The following FAF1 variants were observed in gnomAD, a reference collection of about 807,000 sequenced individuals.
FAF1 encodes the protein Fas associated factor 1.
FAF1 carries 25 observed loss-of-function variants against 92.5 expected under a neutral mutation model. The ratio of observed to expected loss-of-function variants is 0.27; its 90% CI spans 0.20 to 0.38. The LOEUF is 0.38. Among genes scored for constraint, FAF1 ranks in the 10% least tolerant of loss-of-function variants. The probability of loss-of-function intolerance (pLI) is 1.00; values close to 1 mark genes in which losing one functional copy is unlikely to be tolerated. For missense variants in FAF1, 636 were observed against 793.3 expected, an observed-to-expected ratio of 0.80 and a Z score of 2.38; for synonymous variants, 234 against 273.2, an observed-to-expected ratio of 0.86 and a Z score of 1.42.
At chr1:50,483,206 A>AT (rs572362791) in intron 17 of FAF1, among the ~76,000 whole-genome samples, 59 of 151,896 alleles carry the variant, frequency 3.9e-4, no homozygotes, top group African/African-American at 1.4e-3. Context: ...TTTCTATGGG[A>AT]TTTTTTTTGG....
intron 13 of FAF1, among the ~76,000 whole-genome samples, chr1:50,557,875 T>C (rs1211782682): frequency 6.6e-6 from 1 of 152,044 alleles, no homozygotes; most frequent in African/African-American, 2.4e-5. Flanking sequence ...CGATGGCATA[T>C]ATATATTTAA....
Position 50,464,950 on chromosome 1 carries a change from G to T in FAF1, c.1869+10514C>A, listed in dbSNP as rs1022481549. On this transcript the variant is annotated intron_variant, in intron 18 of 18. Transcript: ENST00000396153. The stretch of plus-strand genomic sequence containing the variant: ...TACCAAATACTTAGTCTAGGCATTG[G>T]TAACCTTTACATCCAATCATCTCTC... 4.5e-4 allele frequency among the ~76,000 whole-genome samples: 69 copies of T among 152,306 alleles called. 1 individual carries two copies. The highest frequency in any genetic ancestry group is 1.6e-3 in the African/African-American group (68 of 41,570).
intron 8 of FAF1, 21 bp from the exon 9 acceptor site, chr1:50,596,237 C>A (rs1344471795): frequency 6.5e-7 from 1 of 1,540,976 alleles, no homozygotes; most frequent in South Asian, 1.1e-5. Flanking sequence ...TAGAATCCAT[C>A]ATTTGTAAAC....
intron 7 of FAF1, among the ~76,000 whole-genome samples, chr1:50,660,767 C>CCTGT (rs1655338175): frequency 6.6e-6 from 1 of 152,120 alleles, no homozygotes; most frequent in African/African-American, 2.4e-5. Context: ...GCTGGAATTA[C>CCTGT]AGGCGAGCTA....
chr1:50,869,564 G>C (rs1223771404), intron 1 of FAF1, among the ~76,000 whole-genome samples: 1 of 151,986 alleles, frequency 6.6e-6, no homozygotes, highest in East Asian at 1.9e-4. Context: ...AATCAATTCT[G>C]CTCTTTCAGA....
chr1:50,836,885 C>T (rs1014219125), intron 2 of FAF1, among the ~76,000 whole-genome samples: 7 of 149,070 alleles, frequency 4.7e-5, no homozygotes, highest in Non-Finnish European at 7.4e-5. Flanking sequence ...ATTGCAACTA[C>T]AAAATAGTAC....
intron 1 of FAF1, among the ~76,000 whole-genome samples, chr1:50,883,759 A>G (rs777986407): frequency 4.6e-5 from 7 of 152,160 alleles, no homozygotes; most frequent in Non-Finnish European, 1.0e-4. Flanking sequence ...TAACTAGGAA[A>G]TTTTCAGTGT....
chr1:50,490,733 G>A (rs1430848425), intron 16 of FAF1, 68 bp from the exon 17 acceptor site: 2 of 1,003,288 alleles, frequency 2.0e-6, no homozygotes, highest in East Asian at 2.4e-5. Context: ...AGAGAAATAA[G>A]GAAAGAGAAA....
chr1:50,656,048 AG>A (rs1277046805), intron 7 of FAF1, among the ~76,000 whole-genome samples: 1 of 152,124 alleles, frequency 6.6e-6, no homozygotes, highest in African/African-American at 2.4e-5. Flanking sequence ...AAAGTAGCAC[AG>A]GGCCGGGGAC....
chr1:50,534,784 C>T (rs1648382278), intron 15 of FAF1, among the ~76,000 whole-genome samples: 1 of 152,104 alleles, frequency 6.6e-6, no homozygotes, highest in African/African-American at 2.4e-5. Context: ...AAGTATTGAA[C>T]ACTATTGTCA....
At chr1:50,548,907 C>T (rs1160350664) in intron 13 of FAF1, among the ~76,000 whole-genome samples, 2 of 152,188 alleles carry the variant, frequency 1.3e-5, no homozygotes, top group Admixed American at 6.5e-5. Flanking sequence ...TCAGCTTTCT[C>T]ATCTATAAAA....
At chr1:50,804,252 T>C (rs1263061671) in intron 2 of FAF1, among the ~76,000 whole-genome samples, 2 of 152,090 alleles carry the variant, frequency 1.3e-5, no homozygotes, top group East Asian at 1.9e-4. Flanking sequence ...AATGGAGATG[T>C]CCAAAAAGTA....
chr1:50,959,201 T>G (rs1269537981), intron 1 of FAF1, among the ~76,000 whole-genome samples: 1 of 152,238 alleles, frequency 6.6e-6, no homozygotes, highest in Non-Finnish European at 1.5e-5. Flanking sequence ...TATAGTCTTA[T>G]CTGTCTCCTT....
chr1:50,622,294 T>C (rs1320185971), intron 8 of FAF1, among the ~76,000 whole-genome samples: 1 of 152,094 alleles, frequency 6.6e-6, no homozygotes, highest in Non-Finnish European at 1.5e-5. Context: ...ATTTCCTTAA[T>C]ACACCCCTTT....
intron 1 of FAF1, among the ~76,000 whole-genome samples, chr1:50,920,063 G>A (rs1644950723): frequency 1.3e-5 from 2 of 152,068 alleles, no homozygotes; most frequent in African/African-American, 4.8e-5. Flanking sequence ...ACTTTGGGAG[G>A]CTGAGTCAGG....
chr1:50,696,687 T>C (rs1163841938), intron 7 of FAF1, among the ~76,000 whole-genome samples: 2 of 152,202 alleles, frequency 1.3e-5, no homozygotes, highest in African/African-American at 4.8e-5. Flanking sequence ...GAACTCTAAG[T>C]ACAAACAGAA....
chr1:50,495,146 T>A (rs1277905882), intron 15 of FAF1, among the ~76,000 whole-genome samples: 2 of 152,140 alleles, frequency 1.3e-5, no homozygotes, highest in African/African-American at 4.8e-5. Flanking sequence ...GTGTTATTTT[T>A]AAATGTACAA....
intron 8 of FAF1, among the ~76,000 whole-genome samples, chr1:50,647,533 G>T (rs1224199357): frequency 6.6e-6 from 1 of 151,796 alleles, no homozygotes; most frequent in Non-Finnish European, 1.5e-5. Context: ...AATTTAATTT[G>T]TCTGAAGTTT....
At chr1:50,734,733 C>CAA (rs71672961) in intron 6 of FAF1, among the ~76,000 whole-genome samples, 3 of 84,196 alleles carry the variant, frequency 3.6e-5, no homozygotes, top group Non-Finnish European at 7.3e-5. Context: ...GACTCCATCT[C>CAA]AAAAAAAAAA....
Sources: allele counts gnomAD v4.1 joint callset (sites outside exome capture counted in the v4.1 genomes callset), GRCh38; gene constraint gnomAD v4.1.1; transcripts MANE v1.5; gene names NCBI Gene and HGNC (gene_info 2026-07-23, HGNC 2026-07-21).